The following FBXO22 variants were observed in gnomAD, a reference collection of about 807,000 sequenced individuals.
FBXO22 encodes the protein F-box only protein 22.
A neutral mutation model predicts 37.2 loss-of-function variants in FBXO22; 13 were observed. That is an observed-to-expected ratio of 0.35 (90% CI 0.23 to 0.56). FBXO22 has a LOEUF of 0.56. FBXO22 is among the 20% of genes least tolerant of loss of function. The pLI, the probability that FBXO22 is intolerant of heterozygous loss-of-function variation, is 0.87. For synonymous variants in FBXO22, 189 were observed against 189.1 expected (o/e 1.00, Z 0.00); for missense variants, 446 against 509.9 (o/e 0.87, Z 1.21).
At chr15:75,930,103 G>C (rs569773079) in intron 6 of FBXO22, 54 bp downstream of exon 6, 2 of 1,610,372 alleles carry the variant, frequency 1.2e-6, no homozygotes, top group Admixed American at 1.7e-5. Context: ...ATGGTCTCAG[G>C]TTTTGTCACT....
intron 2 of FBXO22, among the ~76,000 whole-genome samples, chr15:75,907,696 G>A (rs1899959407): frequency 6.6e-6 from 1 of 151,992 alleles, no homozygotes; most frequent in Non-Finnish European, 1.5e-5. Context: ...AGGAGTTAGA[G>A]AACAGCCTGG....
chr15:75,908,676 C>G (rs979025479), intron 2 of FBXO22, among the ~76,000 whole-genome samples: 2 of 152,182 alleles, frequency 1.3e-5, no homozygotes, highest in Non-Finnish European at 2.9e-5. Flanking sequence ...GCTCAATAGT[C>G]GTAGCACCAT....
chr15:75,936,321 A>AAAAT lies in FBXO22; in HGVS notation c.*3222_*3225dup, dbSNP rs1291990306. 2 of 152,352 alleles carry AAAAT rather than the reference A, an allele frequency of 1.3e-5. No individual in the cohort carries two copies. The highest frequency in any genetic ancestry group is 2.1e-4 in the South Asian group (1 of 4,826). The allele number at this position is 152,352 out of a possible 1,614,324, so 9.4% of individuals were successfully genotyped here. A position where few individuals can be genotyped will look rare whatever the true frequency, so the allele number is the denominator to read the frequency against. Reference sequence around the variant, plus strand: ...GGCTTAATGAAAATCCTAAAATAATAAAATAAGCATTAGTAATAATATCCT... The same window carrying AAAAT: ...GGCTTAATGAAAATCCTAAAATAATAAAATAAATAAGCATTAGTAATAATATCCT... On this transcript the variant is annotated 3_prime_UTR_variant, in exon 7 of 7. Transcript: ENST00000308275.
chr15:75,904,444 C>A (rs1217772461), intron 1 of FBXO22, 47 bp from the exon 2 acceptor site: 2 of 1,612,062 alleles, frequency 1.2e-6, no homozygotes, highest in African/African-American at 2.7e-5. Context: ...GTGGGAGAGA[C>A]GAAAATGAAC....
Position 75,932,741 on chromosome 15 carries a change from G to A in FBXO22, c.851G>A (p.Arg284Gln), listed in dbSNP as rs2030091513. ...GTTGGACTGTCATTTAGTGGACACCGAATCCAGAGTGCCACTGTGCTCCTC... is the reference window on the plus strand; with the variant it reads ...GTTGGACTGTCATTTAGTGGACACCAAATCCAGAGTGCCACTGTGCTCCTC... ...GVVGLSFSGH[R>Q]IQSATVLLNE... Residue 284 changes from arginine to glutamine, a missense_variant, in exon 7 of 7, where the codon CGA (arginine) becomes CAA (glutamine). Arg to Gln is a conservative substitution (Grantham distance 43). Transcript: ENST00000308275. The A allele has an allele frequency of 1.9e-6, 3 of 1,614,046 alleles. No individual in the cohort carries two copies. Among genetic ancestry groups the A allele is most frequent in the South Asian group, 2.2e-5 (2 of 91,080 alleles).
intron 5 of FBXO22, among the ~76,000 whole-genome samples, chr15:75,928,360 C>G (rs2141722211): frequency 6.6e-6 from 1 of 152,188 alleles, no homozygotes; most frequent in Admixed American, 6.5e-5. Flanking sequence ...GAATGCCCAT[C>G]AGTGATAAAC....
chr15:75,914,883 G>T (rs887523468), intron 4 of FBXO22, among the ~76,000 whole-genome samples: 1 of 152,144 alleles, frequency 6.6e-6, no homozygotes, highest in Admixed American at 6.5e-5. Flanking sequence ...TACCTTCCTT[G>T]GAGGGTTGTG....
intron 6 of FBXO22, among the ~76,000 whole-genome samples, chr15:75,932,456 T>A (rs530405597): frequency 3.9e-5 from 6 of 152,306 alleles, no homozygotes; most frequent in Admixed American, 3.3e-4. Context: ...ATTGCCCCTT[T>A]GTATTTGTGA....
At chr15:75,917,516 C>CA (rs1346204004) in intron 5 of FBXO22, 122 bp downstream of exon 5, 31 of 658,106 alleles carry the variant, frequency 4.7e-5, no homozygotes, top group Non-Finnish European at 7.6e-5. Context: ...GTACACCTGT[C>CA]ACTGGAGATG....
chr15:75,941,990 A>C lies in FBXO22; in HGVS notation c.*8888A>C, dbSNP rs190650850. The C allele has an allele frequency of 3.2e-3, 465 of 143,508 alleles. 1 individual carries two copies. Among genetic ancestry groups the C allele is most frequent in the African/African-American group, 0.011 (445 of 38,872 alleles). 8.9% of individuals were successfully genotyped at this position (143,508 alleles called of 1,614,324 possible). On this transcript the variant is annotated 3_prime_UTR_variant, in exon 7 of 7. Transcript: ENST00000308275. ...GGCCTAGCTTTTTTTTTTTTTTTTA[A>C]AAAGGGCAGGGGGTGGGGTATTTAG...
chr15:75,919,267 T>C (rs751016783), intron 5 of FBXO22, among the ~76,000 whole-genome samples: 1 of 152,154 alleles, frequency 6.6e-6, no homozygotes, highest in Non-Finnish European at 1.5e-5. Flanking sequence ...CCATCGTGCC[T>C]GGCCCATATA....
intron 5 of FBXO22, among the ~76,000 whole-genome samples, chr15:75,919,852 T>G (rs1406955901): frequency 6.6e-6 from 1 of 152,146 alleles, no homozygotes; most frequent in Non-Finnish European, 1.5e-5. Context: ...CGATGGCCAA[T>G]GTTTATGGAG....
intron 6 of FBXO22, 147 bp from the exon 7 acceptor site, chr15:75,932,538 A>G (rs2030075018): frequency 8.9e-6 from 6 of 675,094 alleles, no homozygotes; most frequent in Non-Finnish European, 1.4e-5. Context: ...TTTTGACCCT[A>G]TTTTACTCAC....
chr15:75,918,128 A>G (rs1194561996), intron 5 of FBXO22, among the ~76,000 whole-genome samples: 2 of 152,250 alleles, frequency 1.3e-5, no homozygotes, highest in African/African-American at 2.4e-5. Flanking sequence ...CATAAAAACT[A>G]TTCAGTGGTA....
chr15:75,919,163 G>T (rs916634143), intron 5 of FBXO22, among the ~76,000 whole-genome samples: 16 of 152,024 alleles, frequency 1.1e-4, no homozygotes, highest in Non-Finnish European at 1.9e-4. Flanking sequence ...TTAGAGATAG[G>T]GTTTTACCAT....
intron 6 of FBXO22, chr15:75,930,772 C>T: frequency 1.0e-6 from 1 of 985,426 alleles, no homozygotes; most frequent in South Asian, 4.7e-5. Flanking sequence ...TCAGACCCTA[C>T]CCCACCCTCA....
At chr15:75,921,065 A>G (rs1900312346) in intron 5 of FBXO22, among the ~76,000 whole-genome samples, 1 of 152,224 alleles carries the variant, frequency 6.6e-6, no homozygotes, top group African/African-American at 2.4e-5. Context: ...TATACAGTGT[A>G]GCCTATTGCC....
At chr15:75,904,370 C>T (rs536690717) in intron 1 of FBXO22, 121 bp from the exon 2 acceptor site, 218 of 1,462,484 alleles carry the variant, frequency 1.5e-4, no homozygotes, top group Non-Finnish European at 1.7e-4. Context: ...CCTACCTACC[C>T]CGGGGACTTT....
chr15:75,915,479 T>C (rs1404497853), intron 4 of FBXO22, among the ~76,000 whole-genome samples: 1 of 152,092 alleles, frequency 6.6e-6, no homozygotes, highest in East Asian at 1.9e-4. Flanking sequence ...AGTTTATTTC[T>C]TTTTGGCCTG....
Sources: gnomAD v4.1 joint callset for allele counts (sites outside exome capture counted in the v4.1 genomes callset) on GRCh38, gnomAD v4.1.1 for gene constraint, MANE v1.5 for transcripts, NCBI Gene and HGNC (gene_info 2026-07-23, HGNC 2026-07-21) for gene names.